Variants in LEKR1 observed in about 807,000 individuals in gnomAD.
The protein encoded by LEKR1 is leucine, glutamate and lysine rich 1, also known as protein LEKR1.
In LEKR1, 59 loss-of-function variants were observed where a neutral mutation model predicts 72.4. The ratio of observed to expected loss-of-function variants is 0.82; its 90% CI spans 0.66 to 1.01. The LOEUF is 1.01. Among genes scored for constraint, LEKR1 ranks in the 50% least tolerant of loss-of-function variants. The pLI is 0.00. For synonymous variants in LEKR1, 257 were observed against 263.2 expected (o/e 0.98, Z 0.23); for missense variants, 728 against 759.2 (o/e 0.96, Z 0.48).
chr3:156,951,077 G>A (rs1409107681), intron 6 of LEKR1, among the ~76,000 whole-genome samples: 3 of 151,486 alleles, frequency 2.0e-5, no homozygotes, highest in Non-Finnish European at 4.4e-5. Flanking sequence ...CATAAAGGGA[G>A]GTTGAATTTT....
Position 157,008,741 on chromosome 3 carries a change from G to C in LEKR1, c.1110-2672G>C, listed in dbSNP as rs11927587. Among the ~76,000 whole-genome samples the C allele has an allele frequency of 2.6e-5, 4 of 152,230 alleles. 1 individual carries two copies. In the South Asian group the frequency reaches 6.2e-4, roughly 24 times the overall value. On this transcript the variant is annotated intron_variant, in intron 9 of 12. Transcript: ENST00000356539. ...ATGTTTGTATTCCTAAAAAATGTTA[G>C]ATTTTGCATGTATTTTATCTTCACA... is the stretch of plus-strand genomic sequence containing the variant.
At chr3:156,918,745 G>A (rs1391857152) in intron 3 of LEKR1, among the ~76,000 whole-genome samples, 7 of 152,072 alleles carry the variant, frequency 4.6e-5, no homozygotes, top group Non-Finnish European at 1.0e-4. Flanking sequence ...GTAATATGGA[G>A]GTAAATACTA....
At chr3:156,858,400 C>T (rs886858986) in intron 3 of LEKR1, among the ~76,000 whole-genome samples, 3 of 152,038 alleles carry the variant, frequency 2.0e-5, no homozygotes, top group African/African-American at 4.8e-5. Context: ...AGGCCAGGCG[C>T]GGTGGCTCAC....
At chr3:157,023,393 C>T (rs1221013813) in intron 10 of LEKR1, among the ~76,000 whole-genome samples, 3 of 152,118 alleles carry the variant, frequency 2.0e-5, no homozygotes, top group Non-Finnish European at 4.4e-5. Context: ...GGCTCAACTA[C>T]AGGAAAAACT....
chr3:157,009,899 T>C (rs1732752989), intron 9 of LEKR1, among the ~76,000 whole-genome samples: 2 of 152,088 alleles, frequency 1.3e-5, no homozygotes. Flanking sequence ...ATTCATGTTA[T>C]CTATTTCTTC....
At chr3:156,935,439 TAAA>T (rs1725604636) in intron 5 of LEKR1, among the ~76,000 whole-genome samples, 1 of 152,222 alleles carries the variant, frequency 6.6e-6, no homozygotes, top group Non-Finnish European at 1.5e-5. Flanking sequence ...CAAATATGTG[TAAA>T]ACTTTAAAGG....
At chr3:157,006,769 T>C (rs1387096971) in intron 9 of LEKR1, among the ~76,000 whole-genome samples, 2 of 152,236 alleles carry the variant, frequency 1.3e-5, no homozygotes, top group Non-Finnish European at 2.9e-5. Context: ...ATATACTGTA[T>C]GACTTCAGAA....
At chr3:156,929,196 T>C (rs1358119702) in intron 5 of LEKR1, among the ~76,000 whole-genome samples, 1 of 152,002 alleles carries the variant, frequency 6.6e-6, no homozygotes, top group Non-Finnish European at 1.5e-5. Context: ...CTTATTTTAT[T>C]TTATTTTAAA....
At chr3:156,896,835 G>A (rs1004455519) in intron 3 of LEKR1, among the ~76,000 whole-genome samples, 2 of 152,132 alleles carry the variant, frequency 1.3e-5, no homozygotes, top group Non-Finnish European at 2.9e-5. Flanking sequence ...AGAAAATGTA[G>A]TATATTATAC....
At chr3:156,831,764 C>T (rs1712440558) in intron 2 of LEKR1, among the ~76,000 whole-genome samples, 1 of 152,098 alleles carries the variant, frequency 6.6e-6, no homozygotes, top group Non-Finnish European at 1.5e-5. Context: ...CCACCAGGTC[C>T]CCCTCACGAT....
chr3:157,043,844 A>G (rs957050439), intron 12 of LEKR1, among the ~76,000 whole-genome samples: 5 of 152,204 alleles, frequency 3.3e-5, no homozygotes, highest in African/African-American at 1.2e-4. Context: ...TGATTAACCC[A>G]TGATTTTTTT....
chr3:156,884,526 C>T, intron 3 of LEKR1, among the ~76,000 whole-genome samples: 1 of 152,130 alleles, frequency 6.6e-6, no homozygotes, highest in East Asian at 1.9e-4. Flanking sequence ...TTTCTCTGTC[C>T]TTCACTTATG....
At chr3:156,838,601 A>G (rs1713472205) in intron 2 of LEKR1, among the ~76,000 whole-genome samples, 1 of 152,214 alleles carries the variant, frequency 6.6e-6, no homozygotes, top group African/African-American at 2.4e-5. Flanking sequence ...CGTGCTTAGA[A>G]TACTCAGCAG....
intron 3 of LEKR1, among the ~76,000 whole-genome samples, chr3:156,885,307 G>A (rs557354569): frequency 1.3e-5 from 2 of 152,232 alleles, no homozygotes; most frequent in African/African-American, 2.4e-5. Flanking sequence ...TTCCTGGTTT[G>A]GATCCATTGC....
At chr3:156,865,411 T>C (rs1717194276) in intron 3 of LEKR1, among the ~76,000 whole-genome samples, 2 of 152,066 alleles carry the variant, frequency 1.3e-5, no homozygotes, top group Non-Finnish European at 2.9e-5. Flanking sequence ...CTTATATAGA[T>C]TTAATAAAAC....
chr3:156,853,174 T>C (rs1715609627), intron 3 of LEKR1, 192 bp downstream of exon 3: 2 of 322,668 alleles, frequency 6.2e-6, no homozygotes, highest in African/African-American at 2.1e-5. Context: ...GGCATATATT[T>C]ACTATCTGAA....
At chr3:156,899,660 ATATATACACATATATACACG>A (rs1721766392) in intron 3 of LEKR1, among the ~76,000 whole-genome samples, 1 of 139,204 alleles carries the variant, frequency 7.2e-6, no homozygotes, top group Non-Finnish European at 1.5e-5. Context: ...ATATACACGC[ATATATACACATATATACACG>A]CATATATACA....
In LEKR1 at chr3:157,032,665, C is replaced by T. The variant is rs368942543; in HGVS notation, c.1668+4263C>T. Among the ~76,000 whole-genome samples, 26 of 152,200 alleles carry T rather than the reference C, an allele frequency of 1.7e-4. No individual in the cohort carries two copies. In the South Asian group the frequency reaches 3.9e-3, roughly 23 times the overall value. On this transcript the variant is annotated intron_variant, in intron 12 of 12. Coordinates refer to ENST00000356539, the MANE Select transcript of LEKR1 (RefSeq NM_001004316.3). The stretch of plus-strand genomic sequence containing the variant: ...ATATAGAATACTGAAACCTAATGCC[C>T]GTGAGGATTGGGGATGGGAGGATTC...
intron 2 of LEKR1, among the ~76,000 whole-genome samples, chr3:156,830,711 G>T (rs2108527490): frequency 6.6e-6 from 1 of 152,230 alleles, no homozygotes; most frequent in East Asian, 1.9e-4. Context: ...AGTGAGCAGA[G>T]AGTGGTGAAA....
Sources: allele counts gnomAD v4.1 joint callset (sites outside exome capture counted in the v4.1 genomes callset), GRCh38; gene constraint gnomAD v4.1.1; transcripts MANE v1.5; gene names NCBI Gene and HGNC (gene_info 2026-07-23, HGNC 2026-07-21).